Variants in PTPRG observed in about 807,000 individuals in gnomAD.
The protein encoded by PTPRG is protein tyrosine phosphatase receptor type G, also known as receptor-type tyrosine-protein phosphatase gamma.
In PTPRG, 102 loss-of-function variants were observed where a neutral mutation model predicts 165.3. That is an observed-to-expected ratio of 0.62 (90% CI 0.53 to 0.73). The LOEUF (loss-of-function observed/expected upper bound fraction) is 0.73. PTPRG is among the 30% of genes least tolerant of loss of function. The pLI is 0.00. For missense variants in PTPRG, 1,866 were observed against 1,861.4 expected, an observed-to-expected ratio of 1.00 and a Z score of -0.05; for synonymous variants, 675 against 669.5, an observed-to-expected ratio of 1.01 and a Z score of -0.13.
chr3:61,950,472 G>A (rs934706362), intron 2 of PTPRG, among the ~76,000 whole-genome samples: 11 of 152,162 alleles, frequency 7.2e-5, no homozygotes, highest in South Asian at 2.1e-4. Flanking sequence ...AACTATAAAT[G>A]GTAGGTTTCA....
chr3:61,797,971 C>T (rs1196229752), intron 2 of PTPRG, among the ~76,000 whole-genome samples: 1 of 152,112 alleles, frequency 6.6e-6, no homozygotes, highest in South Asian at 2.1e-4. Flanking sequence ...GACTATTCTT[C>T]CCAGCATAAA....
intron 2 of PTPRG, among the ~76,000 whole-genome samples, chr3:61,779,572 T>A (rs1423931548): frequency 6.6e-6 from 1 of 152,166 alleles, no homozygotes; most frequent in Non-Finnish European, 1.5e-5. Context: ...ATGTGAATGG[T>A]CCTTTAGGCA....
chr3:62,026,328 T>C (rs1264942632), intron 4 of PTPRG, among the ~76,000 whole-genome samples: 1 of 152,216 alleles, frequency 6.6e-6, no homozygotes, highest in African/African-American at 2.4e-5. Context: ...TTATATTAAC[T>C]ACTTGTTCTT....
At chr3:61,672,636 G>C (rs923003333) in intron 1 of PTPRG, among the ~76,000 whole-genome samples, 1 of 151,068 alleles carries the variant, frequency 6.6e-6, no homozygotes, top group Non-Finnish European at 1.5e-5. Context: ...GGAGAATCAG[G>C]CAGGGAGGTT....
At chr3:61,721,200 T>G (rs1048093772) in intron 1 of PTPRG, among the ~76,000 whole-genome samples, 1 of 152,224 alleles carries the variant, frequency 6.6e-6, no homozygotes, top group Non-Finnish European at 1.5e-5. Context: ...TACTTGAGAA[T>G]TGATTACTGT....
intron 6 of PTPRG, among the ~76,000 whole-genome samples, chr3:62,142,827 C>T (rs536582453): frequency 5.9e-5 from 9 of 152,276 alleles, no homozygotes; most frequent in South Asian, 4.1e-4. Context: ...ACACAAAGGG[C>T]GCCTCACTGC....
intron 4 of PTPRG, among the ~76,000 whole-genome samples, chr3:62,076,870 T>C (rs1213792817): frequency 1.3e-5 from 2 of 152,170 alleles, no homozygotes; most frequent in African/African-American, 4.8e-5. Flanking sequence ...CGTGAGCCAC[T>C]GCATCCAACT....
chr3:62,017,087 GGTCT>G (rs1284901640), intron 4 of PTPRG, among the ~76,000 whole-genome samples: 3 of 152,226 alleles, frequency 2.0e-5, no homozygotes, highest in East Asian at 3.9e-4. Context: ...GGAGGGGATC[GGTCT>G]GTCTGTCTAC....
At chr3:61,811,992 C>T (rs1221261546) in intron 2 of PTPRG, among the ~76,000 whole-genome samples, 2 of 152,070 alleles carry the variant, frequency 1.3e-5, no homozygotes, top group African/African-American at 4.8e-5. Flanking sequence ...TATTAGTAGG[C>T]CTGTCTTCAA....
At chr3:62,000,189 G>T (rs1353124718) in intron 3 of PTPRG, among the ~76,000 whole-genome samples, 1 of 151,260 alleles carries the variant, frequency 6.6e-6, no homozygotes, top group Non-Finnish European at 1.5e-5. Flanking sequence ...ACTGAGGCAG[G>T]AGAATCACTT....
At chr3:61,984,759 A>G (rs533260536) in intron 2 of PTPRG, among the ~76,000 whole-genome samples, 1 of 152,150 alleles carries the variant, frequency 6.6e-6, no homozygotes, top group African/African-American at 2.4e-5. Context: ...CCACCATTCA[A>G]TCTAGAGCAC....
chr3:62,277,150 C>T (rs1021907053), intron 25 of PTPRG, 102 bp downstream of exon 25: 2 of 886,710 alleles, frequency 2.3e-6, no homozygotes, highest in Non-Finnish European at 3.5e-6. Flanking sequence ...AATAATTTCT[C>T]AATGTGTAAT....
In PTPRG at chr3:62,157,154, C is replaced by T. The variant is rs747341353; in HGVS notation, c.770C>T (p.Thr257Ile). Residue 257 changes from threonine to isoleucine, a missense_variant, in exon 7 of 30, where the codon ACC becomes ATC. Around this residue, in one of 3 missense-constraint regions of PTPRG, gnomAD observed 408 missense variants for 376.2 expected, o/e 1.08. Coordinates refer to ENST00000474889, the MANE Select transcript of PTPRG (RefSeq NM_002841.4). ...TATTATCGGTACACAGGTTCCTTGA[C>T]CACACCACCGTGTAGCGAAATAGTG... ...GSYYRYTGSL[T>I]TPPCSEIVEW... The T allele has an allele frequency of 1.2e-6, 2 of 1,614,034 alleles. No individual in the cohort carries two copies. Among genetic ancestry groups the T allele is most frequent in the South Asian group, 1.1e-5 (1 of 91,084 alleles).
At chr3:62,235,055 A>G (rs1403913949) in intron 14 of PTPRG, among the ~76,000 whole-genome samples, 1 of 152,162 alleles carries the variant, frequency 6.6e-6, no homozygotes, top group African/African-American at 2.4e-5. Context: ...AATACAGTCA[A>G]TCAGTATATT....
intron 2 of PTPRG, among the ~76,000 whole-genome samples, chr3:61,816,000 C>T (rs1305417886): frequency 6.6e-6 from 1 of 152,108 alleles, no homozygotes; most frequent in East Asian, 1.9e-4. Flanking sequence ...GTGAAGATCT[C>T]TTGATAGCAA....
At chr3:61,938,187 A>T (rs1462365554) in intron 2 of PTPRG, among the ~76,000 whole-genome samples, 4 of 151,154 alleles carry the variant, frequency 2.6e-5, no homozygotes, top group Non-Finnish European at 5.9e-5. Context: ...CAAAGCTTTA[A>T]CATGTATGTT....
intron 1 of PTPRG, chr3:61,742,510 T>G: frequency 6.3e-7 from 1 of 1,595,938 alleles, no homozygotes; most frequent in Non-Finnish European, 8.5e-7. Flanking sequence ...GGCCCGGACA[T>G]TCTGCCAGTT....
intron 2 of PTPRG, among the ~76,000 whole-genome samples, chr3:61,775,778 G>T (rs2034360105): frequency 6.6e-6 from 1 of 152,048 alleles, no homozygotes; most frequent in Admixed American, 6.6e-5. Context: ...TCCTTTGTAG[G>T]GACATGGATG....
rs1376836664 is a variant in PTPRG at position 62,293,602 on chromosome 3, T to TA, written c.*296dup. On this transcript the variant is annotated 3_prime_UTR_variant, in exon 30 of 30. Coordinates refer to ENST00000474889, the MANE Select transcript of PTPRG (RefSeq NM_002841.4). ...CCTGATGTGACATTCCATGACGACA[T>TA]ACATGCTACTTTTTTTTAGTTCAAT... 4.4e-6 allele frequency: 1 copy of TA among 227,214 alleles called. No individual in the cohort carries two copies. The highest frequency in any genetic ancestry group is 8.5e-6 in the Non-Finnish European group (1 of 117,186). The allele number at this position is 227,214 out of a possible 1,614,324, so 14.1% of individuals were successfully genotyped here.
Sources: gnomAD v4.1 joint callset for allele counts (sites outside exome capture counted in the v4.1 genomes callset) on GRCh38, gnomAD v4.1.1 for gene constraint, gnomAD v4.1.1 regional missense constraint, MANE v1.5 for transcripts, NCBI Gene and HGNC (gene_info 2026-07-23, HGNC 2026-07-21) for gene names.